LIMCH1: variants seen among roughly 807,000 people sequenced by gnomAD.
The protein encoded by LIMCH1 is LIM and calponin homology domains-containing protein 1.
A neutral mutation model predicts 176.5 loss-of-function variants in LIMCH1; 113 were observed. That is an observed-to-expected ratio of 0.64 (90% CI 0.55 to 0.75). The LOEUF is 0.75. LIMCH1 is among the 30% of genes least tolerant of loss of function. The pLI, the probability that LIMCH1 is intolerant of heterozygous loss-of-function variation, is 0.00. For missense variants in LIMCH1, 1,674 were observed against 1,814.9 expected, an observed-to-expected ratio of 0.92 and a Z score of 1.41; for synonymous variants, 619 against 645.9, an observed-to-expected ratio of 0.96 and a Z score of 0.63.
chr4:41,524,466 C>T lies in LIMCH1; in HGVS notation c.225C>T (p.Pro75=), dbSNP rs777149543. ...AAAAGATCAATAGATTGCCTACCCC[C>T]ATTGCAGGACTGGTGAGTACGTGGA... The change falls in exon 3 of 27, where the codon CCC becomes CCT. Residue 75 remains proline (P), a synonymous_variant. Transcript: ENST00000313860. 1.9e-6 allele frequency: 3 copies of T among 1,612,652 alleles called. No individual in the cohort carries two copies. In the South Asian group the frequency reaches 3.3e-5, roughly 18 times the overall value.
chr4:41,633,842 T>C, intron 13 of LIMCH1, 34 bp downstream of exon 13: 1 of 1,527,574 alleles, frequency 6.5e-7, no homozygotes, highest in East Asian at 2.5e-5. Context: ...TGTGACTTTG[T>C]TTCTCCAGTC....
At chr4:41,524,277 T>C (rs1200903858) in intron 2 of LIMCH1, 2 of 732,404 alleles carry the variant, frequency 2.7e-6, no homozygotes, top group African/African-American at 1.8e-5. Flanking sequence ...TGATAGATTA[T>C]TGAGATTTAC....
intron 1 of LIMCH1, among the ~76,000 whole-genome samples, chr4:41,469,915 C>T (rs555990930): frequency 1.3e-5 from 2 of 152,186 alleles, no homozygotes; most frequent in East Asian, 3.9e-4. Context: ...CTCCTGATCT[C>T]GTGATCTGCC....
chr4:41,617,240 C>G (rs773432058), intron 5 of LIMCH1, among the ~76,000 whole-genome samples: 1 of 152,120 alleles, frequency 6.6e-6, no homozygotes, highest in Non-Finnish European at 1.5e-5. Flanking sequence ...AAGTGCAGCA[C>G]TTCTCGTAGT....
At chr4:41,500,041 G>T (rs1287768167) in intron 2 of LIMCH1, among the ~76,000 whole-genome samples, 1 of 152,158 alleles carries the variant, frequency 6.6e-6, no homozygotes, top group Non-Finnish European at 1.5e-5. Flanking sequence ...GACAGTTATA[G>T]CAAGACCACG....
intron 6 of LIMCH1, chr4:41,619,734 C>T: frequency 2.3e-6 from 1 of 433,466 alleles, no homozygotes; most frequent in East Asian, 4.0e-5. Flanking sequence ...ATCTGTCATC[C>T]TTGTCCTTCT....
At chr4:41,579,957 A>G (rs1158470323) in intron 1 of LIMCH1, among the ~76,000 whole-genome samples, 1 of 152,130 alleles carries the variant, frequency 6.6e-6, no homozygotes, top group Non-Finnish European at 1.5e-5. Context: ...GTTAACTGGG[A>G]CTTTGGGGAG....
intron 31 of LIMCH1, among the ~76,000 whole-genome samples, chr4:41,694,659 G>A (rs536551077): frequency 6.6e-6 from 1 of 152,224 alleles, no homozygotes; most frequent in South Asian, 2.1e-4. Flanking sequence ...TCTATGAATG[G>A]ACACTTTGGT....
chr4:41,645,487 A>T (rs2094017353), intron 15 of LIMCH1, among the ~76,000 whole-genome samples: 1 of 152,158 alleles, frequency 6.6e-6, no homozygotes, highest in African/African-American at 2.4e-5. Flanking sequence ...GCACAGGGAG[A>T]CTAAGAAACA....
chr4:41,505,821 T>C (rs1332400825), intron 2 of LIMCH1, among the ~76,000 whole-genome samples: 2 of 152,110 alleles, frequency 1.3e-5, no homozygotes, highest in African/African-American at 4.8e-5. Context: ...GTGAATAGAT[T>C]GAGACCAAGT....
intron 1 of LIMCH1, among the ~76,000 whole-genome samples, chr4:41,559,145 A>G (rs1266332119): frequency 6.6e-6 from 1 of 152,200 alleles, no homozygotes; most frequent in Non-Finnish European, 1.5e-5. Context: ...TCTTTTAAAT[A>G]CAGTACTCTA....
chr4:41,467,089 G>A (rs2066229331), intron 1 of LIMCH1, among the ~76,000 whole-genome samples: 1 of 151,640 alleles, frequency 6.6e-6, no homozygotes, highest in Admixed American at 6.6e-5. Context: ...CCATGTTATA[G>A]TGTGGATCAG....
chr4:41,630,152 T>C (rs2093236768), intron 9 of LIMCH1, among the ~76,000 whole-genome samples: 1 of 152,064 alleles, frequency 6.6e-6, no homozygotes, highest in East Asian at 1.9e-4. Flanking sequence ...GATGGGGTCT[T>C]GCTATGTTGC....
At position 41,462,851 on chromosome 4, in the gene LIMCH1, T is replaced by C. The variant is rs572106320; in HGVS notation, c.97-31685T>C. 2.0e-5 allele frequency among the ~76,000 whole-genome samples: 3 copies of C among 152,200 alleles called. No individual in the cohort carries two copies. The South Asian group carries it at 6.2e-4, about 32-fold the overall frequency. On this transcript the variant is annotated intron_variant, in intron 1 of 26. Coordinates refer to the LIMCH1 transcript ENST00000313860. ...AAAGGCAGGCATTTTACCTCACTTA[T>C]AATTGTCTGGAAATTTAAAATAGAC... is the stretch of plus-strand genomic sequence containing the variant.
At chr4:41,371,485 C>A (rs2053955697) in intron 1 of LIMCH1, among the ~76,000 whole-genome samples, 1 of 152,106 alleles carries the variant, frequency 6.6e-6, no homozygotes, top group Non-Finnish European at 1.5e-5. Flanking sequence ...CTGACTCCCC[C>A]ACTGGATTCA....
chr4:41,417,466 GAT>G (rs2060045408), intron 1 of LIMCH1, among the ~76,000 whole-genome samples: 1 of 152,170 alleles, frequency 6.6e-6, no homozygotes, highest in East Asian at 1.9e-4. Flanking sequence ...AAACAACCCT[GAT>G]AGGCGATCCA....
chr4:41,625,463 C>T (rs1430091280), intron 7 of LIMCH1, among the ~76,000 whole-genome samples: 1 of 152,156 alleles, frequency 6.6e-6, no homozygotes, highest in East Asian at 1.9e-4. Flanking sequence ...AGGGCCAGCT[C>T]AAAACTTGTA....
At chr4:41,516,408 C>T (rs1179920741) in intron 2 of LIMCH1, among the ~76,000 whole-genome samples, 1 of 152,162 alleles carries the variant, frequency 6.6e-6, no homozygotes, top group Non-Finnish European at 1.5e-5. Flanking sequence ...CATAGAAAAG[C>T]ACTCTCTTCA....
intron 2 of LIMCH1, among the ~76,000 whole-genome samples, chr4:41,506,674 G>C (rs1379670632): frequency 1.3e-5 from 2 of 152,114 alleles, no homozygotes; most frequent in African/African-American, 4.8e-5. Context: ...TAATTGGGGA[G>C]ATATAATATT....
Sources: allele counts gnomAD v4.1 joint callset (sites outside exome capture counted in the v4.1 genomes callset), GRCh38; gene constraint gnomAD v4.1.1; transcripts MANE v1.5; gene names NCBI Gene and HGNC (gene_info 2026-07-23, HGNC 2026-07-21).